The following RASGRF2 variants were observed in gnomAD, a reference collection of about 807,000 sequenced individuals.
RASGRF2 encodes Ras protein specific guanine nucleotide releasing factor 2, also known as ras-specific guanine nucleotide-releasing factor 2.
Under a neutral mutation model 151.0 loss-of-function variants are expected in RASGRF2, and 76 were observed. The observed-to-expected ratio is 0.50, with a 90% CI of 0.42 to 0.61. The LOEUF (loss-of-function observed/expected upper bound fraction) is 0.61. Among genes scored for constraint, RASGRF2 ranks in the 20% least tolerant of loss-of-function variants. The pLI is 0.00. For missense variants in RASGRF2, 1,148 were observed against 1,564.6 expected (o/e 0.73, Z 4.49); for synonymous variants, 504 against 566.5 (o/e 0.89, Z 1.57).
intron 18 of RASGRF2, among the ~76,000 whole-genome samples, chr5:81,192,230 A>C (rs1243021268): frequency 6.6e-6 from 1 of 152,226 alleles, no homozygotes. Context: ...GATGATTGTC[A>C]GGCATATATT....
rs1470735897 is a variant in RASGRF2 at position 81,063,340 on chromosome 5, G to A, written c.396-4692G>A. Among the ~76,000 whole-genome samples the A allele has an allele frequency of 5.9e-5, 9 of 151,928 alleles. No individual in the cohort carries two copies. The East Asian group carries it at 9.7e-4, about 16-fold the overall frequency. On this transcript the variant is annotated intron_variant, in intron 2 of 26. Coordinates refer to ENST00000265080, the MANE Select transcript of RASGRF2 (RefSeq NM_006909.3). ...CGGCTCACTGCAACCTCTGCCTCCC[G>A]GGTTCAAATGATTCTCCTGCCTCAG...
intron 15 of RASGRF2, among the ~76,000 whole-genome samples, chr5:81,120,777 A>G (rs1035214041): frequency 2.6e-5 from 4 of 152,186 alleles, no homozygotes; most frequent in African/African-American, 7.2e-5. Flanking sequence ...ACAGGAATAT[A>G]ATCAATTATT....
chr5:81,158,998 A>G lies in RASGRF2; in HGVS notation c.2687-21177A>G, dbSNP rs547636529. Among the ~76,000 whole-genome samples, 24 of 152,346 alleles carry G rather than the reference A, an allele frequency of 1.6e-4. 1 individual carries two copies. In the East Asian group the frequency reaches 2.5e-3, roughly 16 times the overall value. ...TACAAAAACCTATACATGAATGTTT[A>G]TAGCTCCATTATTCATAATGGCCCC... On this transcript the variant is annotated intron_variant, in intron 17 of 26. Coordinates refer to ENST00000265080, the MANE Select transcript of RASGRF2 (RefSeq NM_006909.3).
intron 17 of RASGRF2, among the ~76,000 whole-genome samples, chr5:81,176,130 T>C (rs1754769410): frequency 6.6e-6 from 1 of 152,244 alleles, no homozygotes. Flanking sequence ...GACATGCCCA[T>C]CTCACCACTT....
intron 1 of RASGRF2, among the ~76,000 whole-genome samples, chr5:80,968,718 C>T (rs1747803565): frequency 6.6e-6 from 1 of 152,204 alleles, no homozygotes; most frequent in Non-Finnish European, 1.5e-5. Flanking sequence ...GAGTCTTGCT[C>T]TGTCACCTGG....
chr5:81,181,242 C>T (rs933728725), intron 18 of RASGRF2, among the ~76,000 whole-genome samples: 1 of 152,190 alleles, frequency 6.6e-6, no homozygotes, highest in Non-Finnish European at 1.5e-5. Flanking sequence ...CACATGTCTG[C>T]TGCGTGGTCC....
intron 26 of RASGRF2, among the ~76,000 whole-genome samples, chr5:81,221,465 G>T (rs1374531354): frequency 6.6e-6 from 1 of 152,076 alleles, no homozygotes; most frequent in Non-Finnish European, 1.5e-5. Context: ...TTGGCCATCG[G>T]GTGCTCTTTC....
At chr5:80,997,078 T>G (rs1748909049) in intron 1 of RASGRF2, 1 of 152,240 alleles carries the variant, frequency 6.6e-6, no homozygotes, top group Non-Finnish European at 1.5e-5. Flanking sequence ...CAGAGGACTA[T>G]TTATGAACTT....
At chr5:81,058,203 G>T (rs1751292745) in intron 2 of RASGRF2, among the ~76,000 whole-genome samples, 1 of 151,418 alleles carries the variant, frequency 6.6e-6, no homozygotes, top group African/African-American at 2.4e-5. Flanking sequence ...TTTGGCAGGG[G>T]GATCCTTTTT....
At chr5:81,221,471 C>T (rs755131089) in intron 26 of RASGRF2, among the ~76,000 whole-genome samples, 7 of 152,196 alleles carry the variant, frequency 4.6e-5, no homozygotes, top group Non-Finnish European at 8.8e-5. Context: ...ATCGGGTGCT[C>T]TTTCAGTTGA....
chr5:81,086,233 T>C (rs1580297277), intron 8 of RASGRF2, among the ~76,000 whole-genome samples: 1 of 151,808 alleles, frequency 6.6e-6, no homozygotes, highest in East Asian at 1.9e-4. Flanking sequence ...GGTGTGGTGG[T>C]GTGCACCTGT....
At chr5:81,146,552 A>T (rs1358627333) in intron 17 of RASGRF2, among the ~76,000 whole-genome samples, 1 of 152,102 alleles carries the variant, frequency 6.6e-6, no homozygotes, top group Non-Finnish European at 1.5e-5. Flanking sequence ...TTCACTATAT[A>T]CTTATTTTGT....
chr5:81,134,113 T>A (rs903655314), intron 17 of RASGRF2, among the ~76,000 whole-genome samples: 49 of 150,756 alleles, frequency 3.3e-4, no homozygotes, highest in African/African-American at 1.2e-3. Flanking sequence ...TGTGTGTGAG[T>A]GAATATTTTA....
At chr5:81,091,018 C>G (rs1287694770) in intron 9 of RASGRF2, among the ~76,000 whole-genome samples, 1 of 152,150 alleles carries the variant, frequency 6.6e-6, no homozygotes, top group Non-Finnish European at 1.5e-5. Flanking sequence ...AGAGCTAGAA[C>G]TTACTCTCTT....
At chr5:81,188,256 T>C (rs569540943) in intron 18 of RASGRF2, among the ~76,000 whole-genome samples, 15 of 152,320 alleles carry the variant, frequency 9.8e-5, no homozygotes, top group Non-Finnish European at 1.2e-4. Flanking sequence ...TCTCAGCATA[T>C]GGGGGCCTGA....
At chr5:81,187,169 G>T (rs1405690702) in intron 18 of RASGRF2, among the ~76,000 whole-genome samples, 1 of 152,174 alleles carries the variant, frequency 6.6e-6, no homozygotes, top group Non-Finnish European at 1.5e-5. Flanking sequence ...GGTTTAGTCA[G>T]CATCGCCCAG....
chr5:81,099,422 A>G (rs1240321113), intron 12 of RASGRF2, among the ~76,000 whole-genome samples: 1 of 152,202 alleles, frequency 6.6e-6, no homozygotes, highest in African/African-American at 2.4e-5. Context: ...GGATTAATAT[A>G]TAATGAGGTG....
intron 9 of RASGRF2, among the ~76,000 whole-genome samples, chr5:81,092,267 A>T (rs1404694705): frequency 6.6e-6 from 1 of 151,960 alleles, no homozygotes; most frequent in Non-Finnish European, 1.5e-5. Context: ...AATAGTTCTT[A>T]GCTAAATTTC....
chr5:81,069,405 TTTAAAACAAAATTATTG>T (rs1751707597), intron 3 of RASGRF2, among the ~76,000 whole-genome samples: 1 of 152,244 alleles, frequency 6.6e-6, no homozygotes, highest in Admixed American at 6.5e-5. Context: ...GGCACTGTTA[TTTAAAACAAAATTATTG>T]TGTTCTTTCT....
Sources: allele counts gnomAD v4.1 joint callset (sites outside exome capture counted in the v4.1 genomes callset), GRCh38; gene constraint gnomAD v4.1.1; transcripts MANE v1.5; gene names NCBI Gene and HGNC (gene_info 2026-07-23, HGNC 2026-07-21).